The following PITPNC1 variants were observed in gnomAD, a reference collection of about 807,000 sequenced individuals.
PITPNC1 encodes the protein phosphatidylinositol transfer protein cytoplasmic 1, also known as cytoplasmic phosphatidylinositol transfer protein 1.
PITPNC1 carries 18 observed loss-of-function variants against 44.7 expected under a neutral mutation model. That is an observed-to-expected ratio of 0.40 (90% confidence interval 0.28 to 0.60). The LOEUF (loss-of-function observed/expected upper bound fraction) is 0.60, where lower values mean the gene tolerates loss of function less well. PITPNC1 is among the 20% of genes least tolerant of loss of function. PITPNC1 has a pLI of 0.39. For synonymous variants in PITPNC1, 141 were observed against 149.6 expected, an observed-to-expected ratio of 0.94 and a Z score of 0.42; for missense variants, 290 against 418.4, an observed-to-expected ratio of 0.69 and a Z score of 2.68.
At position 67,601,544 on chromosome 17, in the gene PITPNC1, A is replaced by G. The variant is rs113079440; in HGVS notation, c.366+23287A>G. ...AGAAGGAGGATCACTTTATCCCAGG[A>G]ACTCAAGACCAGCCTGGACAACATA... On this transcript the variant is annotated intron_variant, in intron 5 of 8. Coordinates refer to ENST00000581322, the MANE Select transcript of PITPNC1 (RefSeq NM_012417.4). 2.2e-4 allele frequency among the ~76,000 whole-genome samples: 34 copies of G among 152,154 alleles called. 1 individual carries two copies. The highest frequency in any genetic ancestry group is 7.5e-4 in the African/African-American group (31 of 41,514).
chr17:67,531,292 T>G (rs2040458060), intron 1 of PITPNC1, among the ~76,000 whole-genome samples: 1 of 152,232 alleles, frequency 6.6e-6, no homozygotes, highest in South Asian at 2.1e-4. Context: ...TTTTTCCTTT[T>G]CCTGGTCTTA....
chr17:67,396,304 T>C (rs2038219048), intron 1 of PITPNC1, among the ~76,000 whole-genome samples: 1 of 152,218 alleles, frequency 6.6e-6, no homozygotes, highest in African/African-American at 2.4e-5. Flanking sequence ...CCATGTTCTC[T>C]AGGAGTTGTT....
intron 5 of PITPNC1, among the ~76,000 whole-genome samples, chr17:67,608,742 G>T (rs2041648742): frequency 7.1e-6 from 1 of 139,926 alleles, no homozygotes; most frequent in Admixed American, 7.3e-5. Flanking sequence ...GGGCTCAAGT[G>T]ATGTGCCTTT....
chr17:67,564,761 GC>G (rs1400907822), intron 4 of PITPNC1, among the ~76,000 whole-genome samples: 4 of 152,126 alleles, frequency 2.6e-5, no homozygotes, highest in Admixed American at 6.5e-5. Context: ...ACTCTGGGAT[GC>G]CATTGATGTA....
intron 6 of PITPNC1, among the ~76,000 whole-genome samples, chr17:67,641,199 C>T (rs1015910023): frequency 1.3e-5 from 2 of 151,994 alleles, no homozygotes; most frequent in African/African-American, 4.8e-5. Context: ...CTGAGCTGGG[C>T]CTTAAAAACA....
chr17:67,486,719 T>A (rs1050342551), intron 1 of PITPNC1, among the ~76,000 whole-genome samples: 3 of 152,168 alleles, frequency 2.0e-5, no homozygotes, highest in Admixed American at 6.5e-5. Context: ...AAAGTGTCTA[T>A]GCATTTAGGG....
chr17:67,510,967 T>G (rs1344387916), intron 1 of PITPNC1, among the ~76,000 whole-genome samples: 1 of 152,136 alleles, frequency 6.6e-6, no homozygotes, highest in East Asian at 1.9e-4. Context: ...TCAAACCTCA[T>G]AGAAGTATCT....
At chr17:67,442,734 A>C (rs976388631) in intron 1 of PITPNC1, among the ~76,000 whole-genome samples, 2 of 151,844 alleles carry the variant, frequency 1.3e-5, no homozygotes, top group African/African-American at 4.8e-5. Flanking sequence ...GTGCACCTGT[A>C]GTCCCAGCTA....
chr17:67,656,362 C>T (rs548362707), intron 6 of PITPNC1, among the ~76,000 whole-genome samples: 71 of 152,290 alleles, frequency 4.7e-4, no homozygotes, highest in African/African-American at 9.4e-4. Flanking sequence ...CCTCTGTCCT[C>T]GCACAACCTT....
chr17:67,503,889 A>G (rs1372197334), intron 1 of PITPNC1, among the ~76,000 whole-genome samples: 1 of 152,214 alleles, frequency 6.6e-6, no homozygotes, highest in Non-Finnish European at 1.5e-5. Context: ...GGGAGTGACC[A>G]GAAGTGATTG....
At chr17:67,623,643 C>T (rs2041861253) in intron 5 of PITPNC1, among the ~76,000 whole-genome samples, 1 of 152,232 alleles carries the variant, frequency 6.6e-6, no homozygotes. Flanking sequence ...CTTGGCCTCC[C>T]AAAGTGCTGG....
chr17:67,403,868 G>A lies in PITPNC1; in HGVS notation c.48+25666G>A, dbSNP rs554326908. ...GAAACCCTGTCTCCACTAAAAATAC[G>A]AAAATTAGCCGTGTGTGGTGGCAGG... On this transcript the variant is annotated intron_variant, in intron 1 of 8. Coordinates refer to ENST00000581322, the MANE Select transcript of PITPNC1 (RefSeq NM_012417.4). 1.7e-3 allele frequency among the ~76,000 whole-genome samples: 258 copies of A among 152,168 alleles called. 1 individual carries two copies. Among genetic ancestry groups the A allele is most frequent in the African/African-American group, 6.0e-3 (250 of 41,536 alleles).
At position 67,377,707 on chromosome 17, in the gene PITPNC1, G is replaced by A. The variant is rs745955967; in HGVS notation, c.-448G>A. ...GCAGACCCGCCGGAGGAGGGGGGTC[G>A]CCAGGTTCCCGTCTGCTTTCGGAGG... On this transcript the variant is annotated 5_prime_UTR_variant, in exon 1 of 9. Coordinates refer to ENST00000581322, the MANE Select transcript of PITPNC1 (RefSeq NM_012417.4). The A allele has an allele frequency of 5.6e-4, 87 of 155,786 alleles. 1 individual carries two copies. The highest frequency in any genetic ancestry group is 2.7e-3 in the Admixed American group (42 of 15,356). 9.7% of individuals were successfully genotyped at this position (155,786 alleles called of 1,614,324 possible).
At chr17:67,432,941 A>T (rs1433923377) in intron 1 of PITPNC1, among the ~76,000 whole-genome samples, 1 of 152,184 alleles carries the variant, frequency 6.6e-6, no homozygotes, top group Non-Finnish European at 1.5e-5. Context: ...TATATTCTGG[A>T]GGTGGGAGGA....
intron 1 of PITPNC1, among the ~76,000 whole-genome samples, chr17:67,393,762 T>A (rs2038173113): frequency 6.6e-6 from 1 of 152,202 alleles, no homozygotes. Flanking sequence ...AATATTTGAC[T>A]AAAGACAGTG....
intron 5 of PITPNC1, among the ~76,000 whole-genome samples, chr17:67,605,844 G>A (rs755993582): frequency 6.6e-6 from 1 of 152,188 alleles, no homozygotes; most frequent in Non-Finnish European, 1.5e-5. Context: ...AACACTTCTA[G>A]TTAAGAGAGC....
chr17:67,418,166 C>T (rs1275202861), intron 1 of PITPNC1, among the ~76,000 whole-genome samples: 1 of 152,172 alleles, frequency 6.6e-6, no homozygotes, highest in African/African-American at 2.4e-5. Context: ...TGACTTTATT[C>T]TCAGGAGATG....
At chr17:67,631,426 G>A (rs2041965158) in intron 5 of PITPNC1, among the ~76,000 whole-genome samples, 1 of 143,146 alleles carries the variant, frequency 7.0e-6, no homozygotes, top group South Asian at 2.3e-4. Flanking sequence ...TCAGGAGATC[G>A]AGACCATCCT....
intron 1 of PITPNC1, among the ~76,000 whole-genome samples, chr17:67,521,134 A>AG (rs58866112): frequency 0.73 from 111,431 of 152,062 alleles, 41,244 homozygotes; most frequent in East Asian, 0.88. Context: ...CAGCAACAGC[A>AG]GGATAGAGGT....
Sources: allele counts gnomAD v4.1 joint callset (sites outside exome capture counted in the v4.1 genomes callset), GRCh38; gene constraint gnomAD v4.1.1; transcripts MANE v1.5; gene names NCBI Gene and HGNC (gene_info 2026-07-23, HGNC 2026-07-21).